Variants in TMEM45B observed in about 807,000 individuals in gnomAD.
TMEM45B encodes the protein transmembrane protein 45B.
TMEM45B carries 29 observed loss-of-function variants against 27.3 expected under a neutral mutation model. That is an observed-to-expected ratio of 1.06 (90% CI 0.79 to 1.45). The LOEUF is 1.45. Ranked by LOEUF, TMEM45B falls within the 40% of genes most tolerant of loss-of-function variation. The probability of loss-of-function intolerance (pLI) is 0.00; values close to 1 mark genes in which losing one functional copy is unlikely to be tolerated. For synonymous variants in TMEM45B, 143 were observed against 134.7 expected, an observed-to-expected ratio of 1.06 and a Z score of -0.43; for missense variants, 348 against 343.9, an observed-to-expected ratio of 1.01 and a Z score of -0.09.
chr11:129,819,387 T>TA (rs1345631699), intron 1 of TMEM45B, among the ~76,000 whole-genome samples: 4 of 152,198 alleles, frequency 2.6e-5, no homozygotes, highest in Non-Finnish European at 2.9e-5. Context: ...GGGGTTCCGA[T>TA]ATGAACGTCA....
In TMEM45B at chr11:129,855,866, ATTC is replaced by A; in HGVS notation, c.548_550del (p.Leu183del). 1 of 1,614,096 alleles carries A rather than the reference ATTC, an allele frequency of 6.2e-7. No homozygotes were observed. The highest frequency in any genetic ancestry group is 1.3e-5 in the African/African-American group (1 of 75,016). On this transcript the variant is annotated inframe_deletion, in exon 4 of 6. Transcript: ENST00000281441. Reference sequence around the variant, plus strand: ...GGAACTTTTCCGAACCAGTCTCATCATTCTTCAGGGAACCTGGTTCTGGCAGGT... The same window carrying A: ...GGAACTTTTCCGAACCAGTCTCATCATTCAGGGAACCTGGTTCTGGCAGGT...
chr11:129,832,336 C>T (rs1334480117), intron 1 of TMEM45B, among the ~76,000 whole-genome samples: 2 of 152,170 alleles, frequency 1.3e-5, no homozygotes, highest in Non-Finnish European at 2.9e-5. Context: ...CACCACTGCA[C>T]TCCAGCCTGG....
intron 1 of TMEM45B, among the ~76,000 whole-genome samples, chr11:129,849,319 G>T (rs1170995887): frequency 6.6e-6 from 1 of 152,204 alleles, no homozygotes; most frequent in Non-Finnish European, 1.5e-5. Flanking sequence ...GGAGAAACAG[G>T]AAGGAAGAAA....
rs113468334 is a variant in TMEM45B, at chr11:129,853,620, C to G, written c.178+960C>G. ...CCCTTGACTGGGTGAAAATGGTACT[C>G]ATTCAACAGCTCTCTGGCACTCCTA... On this transcript the variant is annotated intron_variant, in intron 2 of 5. Transcript: ENST00000281441. 1.7e-3 allele frequency among the ~76,000 whole-genome samples: 253 copies of G among 152,310 alleles called. 1 individual carries two copies. Among genetic ancestry groups the G allele is most frequent in the African/African-American group, 5.7e-3 (239 of 41,566 alleles).
intron 1 of TMEM45B, among the ~76,000 whole-genome samples, chr11:129,826,567 A>AAAAAAAAAAGAAAAAT (rs1199881268): frequency 2.7e-4 from 26 of 96,110 alleles, no homozygotes; most frequent in Middle Eastern, 8.8e-3. Flanking sequence ...AAAAAAAAAA[A>AAAAAAAAAAGAAAAAT]AGGACCCTGA....
intron 1 of TMEM45B, among the ~76,000 whole-genome samples, chr11:129,816,725 G>A (rs1458497799): frequency 1.4e-5 from 2 of 139,868 alleles, no homozygotes. Flanking sequence ...TGCAGAAATG[G>A]CCACTTCTTT....
At chr11:129,841,591 TG>T (rs373694886) in intron 1 of TMEM45B, among the ~76,000 whole-genome samples, 25 of 129,388 alleles carry the variant, frequency 1.9e-4, no homozygotes, top group East Asian at 1.4e-3. Context: ...TTTGTTTTTT[TG>T]TTTTTTTTTT....
chr11:129,832,175 C>A (rs758723715), intron 1 of TMEM45B, among the ~76,000 whole-genome samples: 2 of 151,708 alleles, frequency 1.3e-5, no homozygotes, highest in Non-Finnish European at 2.9e-5. Context: ...TCAAGACCAT[C>A]CTAGCTAACA....
In TMEM45B at chr11:129,857,455, A is replaced by C. The variant is rs1261924272; in HGVS notation, c.713A>C (p.Tyr238Ser). ...GTGGCCGTCAACTATTCTCTTGTTTACTGGTATGTCTGAGACTTCAGTGAA... is the reference window on the plus strand; with the variant it reads ...GTGGCCGTCAACTATTCTCTTGTTTCCTGGTATGTCTGAGACTTCAGTGAA... Reference protein sequence around the residue: ...SIVAVNYSLVYCLLTRMKRHG... With the variant: ...SIVAVNYSLVSCLLTRMKRHG... Residue 238 changes from tyrosine to serine, a missense_variant, in exon 5 of 6, where the codon TAC becomes TCC. Tyr to Ser is a moderately radical substitution (Grantham distance 144). Coordinates refer to ENST00000281441, the MANE Select transcript of TMEM45B (RefSeq NM_138788.5). 1.9e-6 allele frequency: 3 copies of C among 1,613,988 alleles called. No individual in the cohort carries two copies. The highest frequency in any genetic ancestry group is 2.7e-5 in the African/African-American group (2 of 74,906).
At chr11:129,820,333 C>T (rs957852912) in intron 1 of TMEM45B, among the ~76,000 whole-genome samples, 1 of 152,020 alleles carries the variant, frequency 6.6e-6, no homozygotes, top group African/African-American at 2.4e-5. Flanking sequence ...ATAATAATAA[C>T]AACAAAATAG....
intron 1 of TMEM45B, among the ~76,000 whole-genome samples, chr11:129,820,799 T>C (rs1947409534): frequency 6.6e-6 from 1 of 152,204 alleles, no homozygotes; most frequent in Non-Finnish European, 1.5e-5. Context: ...AGTCGTTCAT[T>C]GTAGAAGGTT....
At chr11:129,824,173 A>G (rs182138926) in intron 1 of TMEM45B, among the ~76,000 whole-genome samples, 1 of 152,106 alleles carries the variant, frequency 6.6e-6, no homozygotes, top group African/African-American at 2.4e-5. Context: ...TTATTTCTCT[A>G]TGGGAGGCTC....
At position 129,852,627 on chromosome 11, in the gene TMEM45B, G is replaced by A. The variant is rs752472325; in HGVS notation, c.145G>A (p.Glu49Lys). The A allele has an allele frequency of 2.7e-5, 43 of 1,611,702 alleles. No homozygotes were observed. The highest frequency in any genetic ancestry group is 4.0e-5 in the African/African-American group (3 of 74,868). The change falls in exon 2 of 6, where the codon GAA becomes AAA. Residue 49 changes from glutamate to lysine, a missense_variant. Physicochemically the swap from Glu to Lys is moderately conservative, Grantham distance 56. Transcript: ENST00000281441. ...TTACTATCAGCGTCTCGAGATCGTC[G>A]AAGCCGCAATTAGGACTTTGTTTTC... ...LHYYQRLEIV[E>K]AAIRTLFSVT...
At chr11:129,857,509 G>C in intron 5 of TMEM45B, 51 bp downstream of exon 5, 1 of 1,603,556 alleles carries the variant, frequency 6.2e-7, no homozygotes, top group Non-Finnish European at 8.5e-7. Context: ...AAGCAGGACT[G>C]ATGTGATTAA....
At position 129,854,631 on chromosome 11, in the gene TMEM45B, T is replaced by C; in HGVS notation, c.200T>C (p.Val67Ala). The C allele has an allele frequency of 6.2e-7, 1 of 1,614,208 alleles. No individual in the cohort carries two copies. Among genetic ancestry groups the C allele is most frequent in the African/African-American group, 1.3e-5 (1 of 75,060 alleles). The change falls in exon 3 of 6, where the codon GTT becomes GCT. Residue 67 changes from valine to alanine, a missense_variant. Transcript: ENST00000281441. ...SVTGILAEQF[V>A]PDGPHLHLYH... Reference sequence around the variant, plus strand: ...GCAGGGATCCTGGCAGAGCAGTTTGTTCCGGATGGGCCCCACCTGCACCTC... The same window carrying C: ...GCAGGGATCCTGGCAGAGCAGTTTGCTCCGGATGGGCCCCACCTGCACCTC...
At position 129,830,794 on chromosome 11, in the gene TMEM45B, A is replaced by G. The variant is rs190107793; in HGVS notation, c.-9+14896A>G. On this transcript the variant is annotated intron_variant, in intron 1 of 5. Transcript: ENST00000281441. ...AGAATGGCTAAATGAAAAAAGACAT[A>G]ACAAGTGTTGGCAAAGATGTGAAGA... is the stretch of plus-strand genomic sequence containing the variant. Among the ~76,000 whole-genome samples, 178 of 152,370 alleles carry G rather than the reference A, an allele frequency of 1.2e-3. 1 individual carries two copies. The highest frequency in any genetic ancestry group is 4.2e-3 in the African/African-American group (173 of 41,588).
intron 1 of TMEM45B, among the ~76,000 whole-genome samples, chr11:129,821,144 G>T (rs1947414810): frequency 1.3e-5 from 2 of 150,724 alleles, no homozygotes; most frequent in South Asian, 4.2e-4. Context: ...TTCCCTTCTT[G>T]ACCAGTCTTT....
intron 1 of TMEM45B, 117 bp downstream of exon 1, chr11:129,816,015 CG>C: frequency 8.2e-7 from 1 of 1,224,842 alleles, no homozygotes; most frequent in Non-Finnish European, 1.0e-6. Flanking sequence ...AGGGGACCTG[CG>C]GGGGAGGGGA....
At chr11:129,820,591 C>T (rs2135549970) in intron 1 of TMEM45B, among the ~76,000 whole-genome samples, 1 of 152,260 alleles carries the variant, frequency 6.6e-6, no homozygotes, top group Middle Eastern at 3.4e-3. Flanking sequence ...CTATAATTCT[C>T]CATTATGGAC....
Sources: gnomAD v4.1 joint callset for allele counts (sites outside exome capture counted in the v4.1 genomes callset) on GRCh38, gnomAD v4.1.1 for gene constraint, MANE v1.5 for transcripts, NCBI Gene and HGNC (gene_info 2026-07-23, HGNC 2026-07-21) for gene names.